AGL: variants seen among roughly 807,000 people sequenced by gnomAD.
AGL encodes the protein glycogen debranching enzyme.
AGL carries 128 observed loss-of-function variants against 199.3 expected under a neutral mutation model. The ratio of observed to expected loss-of-function variants is 0.64; its 90% CI spans 0.56 to 0.74. AGL has a LOEUF of 0.74. AGL is among the 30% of genes least tolerant of loss of function. AGL has a pLI of 0.00. For missense variants in AGL, 1,809 were observed against 1,820.8 expected, an observed-to-expected ratio of 0.99 and a Z score of 0.12; for synonymous variants, 584 against 594.7, an observed-to-expected ratio of 0.98 and a Z score of 0.26.
At position 99,877,662 on chromosome 1, in the gene AGL, G is replaced by A; in HGVS notation, c.1445G>A (p.Arg482Lys). The A allele has an allele frequency of 6.2e-7, 1 of 1,614,014 alleles. No homozygotes were observed. Among genetic ancestry groups the A allele is most frequent in the Non-Finnish European group, 8.5e-7 (1 of 1,179,986 alleles). Reference protein sequence around the residue: ...AEPGSEVYLRRELICWGDSVK... With the variant: ...AEPGSEVYLRKELICWGDSVK... ...ACAGGTTCAGAAGTTTACCTAAGGA[G>A]AGAACTTATTTGCTGGGGAGACAGT... Residue 482 changes from arginine to lysine, a missense_variant, in exon 12 of 34, where the codon AGA (arginine) becomes AAA (lysine). Coordinates refer to ENST00000361915, the MANE Select transcript of AGL (RefSeq NM_000642.3).
At chr1:99,890,255 T>G (rs1447338604) in intron 21 of AGL, among the ~76,000 whole-genome samples, 1 of 152,188 alleles carries the variant, frequency 6.6e-6, no homozygotes, top group Non-Finnish European at 1.5e-5. Context: ...TCAGATCTGT[T>G]TCTAAAACAC....
intron 17 of AGL, among the ~76,000 whole-genome samples, chr1:99,881,984 A>G (rs1652071472): frequency 6.6e-6 from 1 of 151,854 alleles, no homozygotes. Flanking sequence ...AAAAAAGTAC[A>G]AAAAATTAGA....
In AGL at chr1:99,915,794, A is replaced by G. The variant is rs1042209268; in HGVS notation, c.4259+308A>G. ...TTAAAACACACACACACACACGCAC[A>G]CACACACCAAAACTCACAATTAAAG... On this transcript the variant is annotated intron_variant, in intron 31 of 33. Transcript: ENST00000361915. 2.6e-5 allele frequency among the ~76,000 whole-genome samples: 4 copies of G among 152,084 alleles called. No homozygotes were observed. The East Asian group carries it at 5.8e-4, about 22-fold the overall frequency.
At position 99,907,031 on chromosome 1, in the gene AGL, G is replaced by T. The variant is rs186131751; in HGVS notation, c.3701-3681G>T. On this transcript the variant is annotated intron_variant, in intron 27 of 33. Transcript: ENST00000361915. Reference sequence around the variant, plus strand: ...ACTTTGCTAACACCTGGTATTTTCTGTTCTTTTGATAGTTACCATCCTAAT... The same window carrying T: ...ACTTTGCTAACACCTGGTATTTTCTTTTCTTTTGATAGTTACCATCCTAAT... 1.3e-3 allele frequency among the ~76,000 whole-genome samples: 203 copies of T among 152,226 alleles called. 1 individual carries two copies. Among genetic ancestry groups the T allele is most frequent in the African/African-American group, 4.8e-3 (199 of 41,550 alleles).
intron 6 of AGL, 35 bp downstream of exon 6, chr1:99,870,616 GA>G: frequency 6.2e-7 from 1 of 1,609,910 alleles, no homozygotes; most frequent in Non-Finnish European, 8.5e-7. Context: ...CACTAAAACA[GA>G]AAAAATTTCT....
intron 20 of AGL, among the ~76,000 whole-genome samples, chr1:99,885,749 A>T (rs765253731): frequency 1.3e-5 from 2 of 152,172 alleles, no homozygotes; most frequent in Admixed American, 6.5e-5. Context: ...CCCATATGGG[A>T]CTGTCTAGTT....
chr1:99,850,831 G>C (rs1350569824), intron 1 of AGL, 144 bp from the exon 2 acceptor site: 4 of 577,004 alleles, frequency 6.9e-6, no homozygotes, highest in Non-Finnish European at 1.2e-5. Context: ...TTGCCTTCTC[G>C]AATCTTAATA....
Position 99,884,111 on chromosome 1 carries a change from T to C in AGL, c.2309-9T>C. 6.2e-7 allele frequency: 1 copy of C among 1,608,342 alleles called. No individual in the cohort carries two copies. Among genetic ancestry groups the C allele is most frequent in the East Asian group, 2.2e-5 (1 of 44,682 alleles). On this transcript the variant is annotated splice_polypyrimidine_tract_variant and intron_variant, in intron 17 of 33. Coordinates refer to ENST00000361915, the MANE Select transcript of AGL (RefSeq NM_000642.3). Reference sequence around the variant, plus strand: ...GAAATTTTGTTAAAATGTTTTTATGTATTCCTAGGCAAAATTGAAGAAGTA... The same window carrying C: ...GAAATTTTGTTAAAATGTTTTTATGCATTCCTAGGCAAAATTGAAGAAGTA...
chr1:99,913,561 C>T lies in AGL; in HGVS notation c.3984C>T (p.Asn1328=), dbSNP rs1298964080. ...KAIKVSYDEW[N]RKIQDNFEKL... ...TAAAGGTCTCATATGATGAGTGGAACAGAAAAATACAAGACAACTTTGAAA... is the reference window on the plus strand; with the variant it reads ...TAAAGGTCTCATATGATGAGTGGAATAGAAAAATACAAGACAACTTTGAAA... The change falls in exon 30 of 34, where the codon AAC becomes AAT. Residue 1328 remains asparagine (N), a synonymous_variant. Transcript: ENST00000361915. 6.2e-7 allele frequency: 1 copy of T among 1,613,826 alleles called. No individual in the cohort carries two copies. The highest frequency in any genetic ancestry group is 8.5e-7 in the Non-Finnish European group (1 of 1,179,900).
rs1364139329 is a variant in AGL at position 99,877,871 on chromosome 1, T to C, written c.1611+43T>C. 10 of 1,586,346 alleles carry C rather than the reference T, an allele frequency of 6.3e-6. No individual in the cohort carries two copies. In the Admixed American group the frequency reaches 1.5e-4, roughly 24 times the overall value. On this transcript the variant is annotated intron_variant, in intron 12 of 33. Coordinates refer to ENST00000361915, the MANE Select transcript of AGL (RefSeq NM_000642.3). ...ATCTACATTAAGAAAAGAAATTCAG[T>C]GTTCCTTCCTAGCTTTCCTTAAGTA...
rs1655674352 is a variant in AGL, at chr1:99,923,820, T to C, written c.*2169T>C. On this transcript the variant is annotated 3_prime_UTR_variant, in exon 34 of 34. Coordinates refer to ENST00000361915, the MANE Select transcript of AGL (RefSeq NM_000642.3). ...CAAAATTACTCTTTAACATGATAAA[T>C]GAATTTACCAGTTTAGTATGCTGTG... 6.6e-6 allele frequency: 1 copy of C among 152,150 alleles called. No homozygotes were observed. Among genetic ancestry groups the C allele is most frequent in the South Asian group, 2.1e-4 (1 of 4,828 alleles). 9.4% of individuals were successfully genotyped at this position (152,150 alleles called of 1,614,324 possible). A position where few individuals can be genotyped will look rare whatever the true frequency, so the allele number is the denominator to read the frequency against.
chr1:99,859,086 A>G (rs1649810457), intron 2 of AGL, among the ~76,000 whole-genome samples: 1 of 151,872 alleles, frequency 6.6e-6, no homozygotes, highest in Non-Finnish European at 1.5e-5. Flanking sequence ...TATAAACTTA[A>G]CAGGGGACAG....
intron 17 of AGL, among the ~76,000 whole-genome samples, chr1:99,882,675 A>G (rs571561668): frequency 1.4e-4 from 22 of 152,186 alleles, no homozygotes; most frequent in Middle Eastern, 3.4e-3. Context: ...ATATGTCCTT[A>G]ATATTACTTG....
At chr1:99,855,976 T>C (rs1381262876) in intron 2 of AGL, among the ~76,000 whole-genome samples, 1 of 152,178 alleles carries the variant, frequency 6.6e-6, no homozygotes, top group Non-Finnish European at 1.5e-5. Flanking sequence ...GGGGAAAAGA[T>C]AGAACATATT....
At chr1:99,858,241 G>A (rs879536236) in intron 2 of AGL, among the ~76,000 whole-genome samples, 9 of 152,182 alleles carry the variant, frequency 5.9e-5, no homozygotes, top group Non-Finnish European at 1.3e-4. Flanking sequence ...TTTGAGATTC[G>A]TCCTTTTCAG....
At chr1:99,889,593 T>G (rs1039404858) in intron 21 of AGL, among the ~76,000 whole-genome samples, 2 of 151,898 alleles carry the variant, frequency 1.3e-5, no homozygotes, top group Non-Finnish European at 2.9e-5. Flanking sequence ...ATAAATAAAT[T>G]TATTTATTTA....
intron 1 of AGL, 42 bp from the exon 2 acceptor site, chr1:99,850,933 C>T: frequency 2.2e-6 from 2 of 916,098 alleles, no homozygotes; most frequent in Non-Finnish European, 3.6e-6. Flanking sequence ...GAGTTTAAGG[C>T]AATAGTTATT....
chr1:99,866,311 G>C (rs1650505187), intron 5 of AGL, among the ~76,000 whole-genome samples: 1 of 152,134 alleles, frequency 6.6e-6, no homozygotes, highest in African/African-American at 2.4e-5. Flanking sequence ...TCTTACAAAA[G>C]ATTAGATAGG....
intron 2 of AGL, among the ~76,000 whole-genome samples, chr1:99,858,312 CTT>C (rs1342214066): frequency 6.6e-6 from 1 of 152,140 alleles, no homozygotes; most frequent in African/African-American, 2.4e-5. Context: ...AAAATAAAAA[CTT>C]AAGTCTTTGA....
Sources: gnomAD v4.1 joint callset for allele counts (sites outside exome capture counted in the v4.1 genomes callset) on GRCh38, gnomAD v4.1.1 for gene constraint, MANE v1.5 for transcripts, NCBI Gene and HGNC (gene_info 2026-07-23, HGNC 2026-07-21) for gene names.